Variants in PTPRA observed in about 807,000 individuals in gnomAD.
PTPRA encodes the protein protein tyrosine phosphatase receptor type A, also known as receptor-type tyrosine-protein phosphatase alpha.
Under a neutral mutation model 104.8 loss-of-function variants are expected in PTPRA, and 25 were observed. The observed-to-expected ratio is 0.24, with a 90% CI of 0.17 to 0.33. The LOEUF (loss-of-function observed/expected upper bound fraction) is 0.33, where lower values mean the gene tolerates loss of function less well. Ranked by LOEUF, PTPRA falls within the 10% of genes least tolerant of loss-of-function variation. The pLI is 1.00. For synonymous variants in PTPRA, 323 were observed against 368.9 expected, an observed-to-expected ratio of 0.88 and a Z score of 1.43; for missense variants, 765 against 1,015.3, an observed-to-expected ratio of 0.75 and a Z score of 3.35.
At chr20:2,958,062 A>G (rs2061601990) in intron 3 of PTPRA, among the ~76,000 whole-genome samples, 1 of 152,176 alleles carries the variant, frequency 6.6e-6, no homozygotes, top group Non-Finnish European at 1.5e-5. Flanking sequence ...AAGTTAGGAC[A>G]AAAGAATGAT....
chr20:2,925,365 C>T (rs1231615055), intron 2 of PTPRA, among the ~76,000 whole-genome samples: 1 of 152,178 alleles, frequency 6.6e-6, no homozygotes, highest in Non-Finnish European at 1.5e-5. Flanking sequence ...ACCTTGTTTT[C>T]AAGTCATCCA....
chr20:2,902,302 G>A (rs79416156), intron 1 of PTPRA, among the ~76,000 whole-genome samples: 2,128 of 152,290 alleles, frequency 0.014, 48 homozygotes, highest in African/African-American at 0.047. Flanking sequence ...ACTTTCACCT[G>A]TGGTTATCAT....
chr20:2,921,679 C>T (rs1421000508), intron 1 of PTPRA, among the ~76,000 whole-genome samples: 1 of 151,932 alleles, frequency 6.6e-6, no homozygotes, highest in Non-Finnish European at 1.5e-5. Context: ...GAAGCAGACA[C>T]AGATGGGGTT....
In PTPRA at chr20:3,015,719, A is replaced by T; in HGVS notation, c.907-130A>T. 4 of 706,924 alleles carry T rather than the reference A, an allele frequency of 5.7e-6. No homozygotes were observed. The South Asian group carries it at 7.2e-5, about 13-fold the overall frequency. The allele number at this position is 706,924 out of a possible 1,614,324, so 43.8% of individuals were successfully genotyped here. ...TAAAGCTAATCCCTTGTGAATATCT[A>T]GACTGGAAATCCCCGTTAAGTACCT... On this transcript the variant is annotated intron_variant, in intron 11 of 23. Transcript: ENST00000399903.
chr20:2,924,445 G>A (rs138812446), intron 2 of PTPRA, among the ~76,000 whole-genome samples: 1 of 152,192 alleles, frequency 6.6e-6, no homozygotes, highest in Non-Finnish European at 1.5e-5. Flanking sequence ...TGATAACATG[G>A]AATTTTATTC....
At position 3,005,166 on chromosome 20, in the gene PTPRA, C is replaced by T; in HGVS notation, c.829+20C>T. 2.6e-6 allele frequency: 4 copies of T among 1,548,356 alleles called. No homozygotes were observed. In the South Asian group the frequency reaches 4.5e-5, roughly 17 times the overall value. ...TGCCTTGTGAGTGTCTTTAGTGTTT[C>T]TTGGGATGTAACCTGAAATTACATC... On this transcript the variant is annotated intron_variant, in intron 10 of 23. Transcript: ENST00000399903.
At chr20:2,865,188 G>A in the PTPRA span, 40 of 1,614,152 alleles carry the variant, frequency 2.5e-5, no homozygotes, top group East Asian at 8.9e-5. The surrounding 1 kb of genome is among the most constrained non-coding windows in gnomAD (Gnocchi z 5.2). Context: ...CTGCAGCGGC[G>A]CCTAGAAGAC....
chr20:2,937,464 C>T (rs1041300913), intron 2 of PTPRA, among the ~76,000 whole-genome samples: 5 of 152,118 alleles, frequency 3.3e-5, no homozygotes, highest in African/African-American at 1.2e-4. Context: ...AATATTACCT[C>T]TACATACAAG....
At chr20:2,884,714 G>A (rs2090270583) in intron 1 of PTPRA, among the ~76,000 whole-genome samples, 3 of 151,860 alleles carry the variant, frequency 2.0e-5, no homozygotes, top group Admixed American at 2.0e-4. Flanking sequence ...TCTGTGGGTT[G>A]TGTGTTCAGC....
intron 1 of PTPRA, among the ~76,000 whole-genome samples, chr20:2,920,278 A>C (rs1383113218): frequency 4.6e-5 from 7 of 152,186 alleles, no homozygotes; most frequent in Non-Finnish European, 7.4e-5. Context: ...AAAGAGCTTG[A>C]GGCTGGAAAT....
rs1048424473 is a variant in PTPRA at position 2,881,077 on chromosome 20, G to C, written c.-129+7317G>C. On this transcript the variant is annotated intron_variant, in intron 1 of 23. Coordinates refer to ENST00000399903, the MANE Select transcript of PTPRA (RefSeq NM_001385305.1). ...TAATCCCAGCACTTTGGGAGGTCAGGGTGGGTGGATCACAAGGTCAAGAGA... is the reference window on the plus strand; with the variant it reads ...TAATCCCAGCACTTTGGGAGGTCAGCGTGGGTGGATCACAAGGTCAAGAGA... Among the ~76,000 whole-genome samples, 3 of 151,876 alleles carry C rather than the reference G, an allele frequency of 2.0e-5. No individual in the cohort carries two copies. The East Asian group carries it at 5.8e-4, about 30-fold the overall frequency.
At chr20:3,016,893 C>T (rs1170830005) in intron 12 of PTPRA, among the ~76,000 whole-genome samples, 1 of 152,202 alleles carries the variant, frequency 6.6e-6, no homozygotes, top group Non-Finnish European at 1.5e-5. Flanking sequence ...TACAGAGCAC[C>T]TCCCCCTCAG....
the PTPRA span, chr20:2,864,998 A>G: frequency 2.5e-6 from 4 of 1,614,144 alleles, no homozygotes; most frequent in Non-Finnish European, 3.4e-6. The surrounding 1 kb of genome is among the most constrained non-coding windows in gnomAD (Gnocchi z 5.2). Context: ...GGCGAGTAGC[A>G]GCTCTGCAGA....
At chr20:2,945,686 T>C (rs1305560028) in intron 2 of PTPRA, among the ~76,000 whole-genome samples, 2 of 151,986 alleles carry the variant, frequency 1.3e-5, no homozygotes, top group Admixed American at 6.6e-5. Context: ...CCCAGCACTT[T>C]ATGAAGTCAA....
chr20:2,887,277 A>G (rs1248243646), intron 1 of PTPRA, among the ~76,000 whole-genome samples: 1 of 152,216 alleles, frequency 6.6e-6, no homozygotes, highest in East Asian at 1.9e-4. Context: ...ATTTATAGGT[A>G]TTAGTACCTG....
intron 3 of PTPRA, among the ~76,000 whole-genome samples, chr20:2,954,077 C>CTTT (rs35144002): frequency 8.8e-5 from 9 of 102,612 alleles, no homozygotes; most frequent in African/African-American, 1.6e-4. Context: ...ACCCGGCTAA[C>CTTT]TTTTTTTTTT....
At chr20:3,019,562 C>T (rs1308880946) in intron 13 of PTPRA, among the ~76,000 whole-genome samples, 3 of 149,226 alleles carry the variant, frequency 2.0e-5, no homozygotes, top group South Asian at 2.1e-4. Context: ...GGATGGCGGC[C>T]GGGCAGAGAC....
chr20:2,910,367 ATATAT>A (rs2059647412), intron 1 of PTPRA, among the ~76,000 whole-genome samples: 1 of 85,188 alleles, frequency 1.2e-5, no homozygotes, highest in South Asian at 3.8e-4. Context: ...TTTATATATA[ATATAT>A]TTTGTATATT....
chr20:2,985,301 G>T (rs1294794983), intron 6 of PTPRA, among the ~76,000 whole-genome samples: 2 of 152,244 alleles, frequency 1.3e-5, no homozygotes, highest in African/African-American at 4.8e-5. Flanking sequence ...AGACGAATTA[G>T]ACAACTGTGT....
Sources: allele counts gnomAD v4.1 joint callset (sites outside exome capture counted in the v4.1 genomes callset), GRCh38; gene constraint gnomAD v4.1.1; non-coding constraint Gnocchi (gnomAD v3.1); transcripts MANE v1.5; gene names NCBI Gene and HGNC (gene_info 2026-07-23, HGNC 2026-07-21).